Variants in ELAPOR2 observed in about 807,000 individuals in gnomAD.
ELAPOR2 encodes endosome/lysosome-associated apoptosis and autophagy regulator family member 2.
A neutral mutation model predicts 120.7 loss-of-function variants in ELAPOR2; 89 were observed. The observed-to-expected ratio is 0.74, with a 90% confidence interval of 0.62 to 0.88. The LOEUF (loss-of-function observed/expected upper bound fraction) is 0.88, where lower values mean the gene tolerates loss of function less well. Among genes scored for constraint, ELAPOR2 ranks in the 40% least tolerant of loss-of-function variants. ELAPOR2 has a pLI of 0.00. For missense variants in ELAPOR2, 1,134 were observed against 1,251.6 expected (o/e 0.91, Z 1.42); for synonymous variants, 444 against 444.9 (o/e 1.00, Z 0.03).
chr7:86,944,324 T>C (rs879517469), intron 4 of ELAPOR2, among the ~76,000 whole-genome samples: 2 of 152,136 alleles, frequency 1.3e-5, no homozygotes, highest in Admixed American at 6.5e-5. Flanking sequence ...TCTTCCGTAA[T>C]GTTATTTAAT....
At chr7:86,915,702 A>G (rs1789542390) in intron 12 of ELAPOR2, among the ~76,000 whole-genome samples, 1 of 150,050 alleles carries the variant, frequency 6.7e-6, no homozygotes, top group African/African-American at 2.4e-5. Flanking sequence ...GATGCCGGCA[A>G]TAAGGTTTCA....
intron 1 of ELAPOR2, among the ~76,000 whole-genome samples, chr7:87,027,392 TC>T (rs2116720607): frequency 6.6e-6 from 1 of 152,252 alleles, no homozygotes; most frequent in African/African-American, 2.4e-5. Context: ...TGCCTAAATA[TC>T]ACCCAGCAGA....
intron 2 of ELAPOR2, among the ~76,000 whole-genome samples, chr7:86,963,818 CTCTTGTCTCTTAAG>C (rs1477411191): frequency 2.6e-5 from 4 of 152,270 alleles, no homozygotes; most frequent in African/African-American, 9.6e-5. Flanking sequence ...TATACAGATG[CTCTTGTCTCTTAAG>C]TCTTGTCTCT....
chr7:86,940,535 T>G (rs967340300), intron 5 of ELAPOR2, among the ~76,000 whole-genome samples: 5 of 152,148 alleles, frequency 3.3e-5, no homozygotes, highest in Admixed American at 3.3e-4. Flanking sequence ...TTTGTTTCTT[T>G]TTAAAAATAT....
At chr7:86,978,286 T>G (rs1792348943) in intron 1 of ELAPOR2, among the ~76,000 whole-genome samples, 1 of 152,194 alleles carries the variant, frequency 6.6e-6, no homozygotes, top group South Asian at 2.1e-4. Context: ...GAACTGTGAA[T>G]CAATTAAACC....
chr7:87,012,138 G>A (rs1018082658), intron 1 of ELAPOR2, among the ~76,000 whole-genome samples: 2 of 152,146 alleles, frequency 1.3e-5, no homozygotes, highest in East Asian at 1.9e-4. Context: ...CTGGCCGGGC[G>A]TGGTGGCTCA....
At chr7:86,938,080 A>G (rs954429091) in intron 8 of ELAPOR2, 46 bp downstream of exon 8, 8 of 1,379,024 alleles carry the variant, frequency 5.8e-6, no homozygotes, top group African/African-American at 4.3e-5. Flanking sequence ...AATTGGAAAG[A>G]AGGTTGCAAA....
intron 8 of ELAPOR2, among the ~76,000 whole-genome samples, chr7:86,930,257 T>C (rs1294504565): frequency 1.3e-5 from 2 of 151,976 alleles, no homozygotes; most frequent in Admixed American, 1.3e-4. Flanking sequence ...GAGAACTATA[T>C]CTCAATAAAG....
At chr7:87,004,482 C>T (rs748486275) in intron 1 of ELAPOR2, among the ~76,000 whole-genome samples, 9 of 152,150 alleles carry the variant, frequency 5.9e-5, no homozygotes, top group Admixed American at 2.0e-4. Context: ...CCTTGTCAGC[C>T]ATGTGGAGCT....
At chr7:86,928,327 C>T (rs916915566) in intron 8 of ELAPOR2, among the ~76,000 whole-genome samples, 1 of 151,906 alleles carries the variant, frequency 6.6e-6, no homozygotes, top group Non-Finnish European at 1.5e-5. Context: ...GCAAATGAAA[C>T]ATCATCATAT....
intron 1 of ELAPOR2, among the ~76,000 whole-genome samples, chr7:87,037,599 T>C (rs1361009650): frequency 6.6e-6 from 1 of 152,222 alleles, no homozygotes; most frequent in Non-Finnish European, 1.5e-5. Flanking sequence ...GTCTCCTAAC[T>C]GATCTTCCTG....
rs575938809 is a variant in ELAPOR2, at chr7:86,893,115, A to C, written c.2686-15T>G. 2.7e-4 allele frequency: 414 copies of C among 1,513,830 alleles called. No homozygotes were observed. Among genetic ancestry groups the C allele is most frequent in the African/African-American group, 6.7e-4 (46 of 68,648 alleles). 93.8% of individuals were successfully genotyped at this position (1,513,830 alleles called of 1,614,324 possible). On this transcript the variant is annotated splice_polypyrimidine_tract_variant and intron_variant, in intron 19 of 21. Coordinates refer to ENST00000450689, the MANE Select transcript of ELAPOR2 (RefSeq NM_001142749.3). ...TACAAGGTTTCCTTTAAAAAAAAAA[A>C]CATAAAACCATAGAAGACATGAGAA...
At chr7:86,921,746 C>G (rs960722533) in intron 10 of ELAPOR2, among the ~76,000 whole-genome samples, 6 of 152,008 alleles carry the variant, frequency 3.9e-5, no homozygotes, top group African/African-American at 1.2e-4. Flanking sequence ...AGACTGCCAA[C>G]GTGAGAGCAG....
intron 10 of ELAPOR2, among the ~76,000 whole-genome samples, chr7:86,923,657 T>C (rs1789928884): frequency 6.6e-6 from 1 of 152,122 alleles, no homozygotes; most frequent in South Asian, 2.1e-4. Flanking sequence ...ATAGGAACTT[T>C]CTAAATTTCT....
chr7:86,972,448 A>C (rs1247185608), intron 1 of ELAPOR2, among the ~76,000 whole-genome samples: 1 of 152,070 alleles, frequency 6.6e-6, no homozygotes, highest in African/African-American at 2.4e-5. Flanking sequence ...ACTCTCCTCC[A>C]AATTCCTTTT....
intron 1 of ELAPOR2, among the ~76,000 whole-genome samples, chr7:87,013,787 CTTA>C (rs1329832841): frequency 1.3e-5 from 2 of 152,130 alleles, no homozygotes; most frequent in East Asian, 3.8e-4. Context: ...CCAGTCGAGA[CTTA>C]TTATTGGTGA....
At chr7:86,925,489 A>C (rs763257130) in intron 10 of ELAPOR2, 39 bp downstream of exon 10, 1 of 1,603,710 alleles carries the variant, frequency 6.2e-7, no homozygotes, top group African/African-American at 1.3e-5. Context: ...TGATGTCTCT[A>C]TTGCTGAAAT....
At chr7:86,951,412 G>C (rs905560048) in intron 2 of ELAPOR2, among the ~76,000 whole-genome samples, 2 of 152,164 alleles carry the variant, frequency 1.3e-5, no homozygotes, top group Non-Finnish European at 2.9e-5. Flanking sequence ...GAGAAGAATT[G>C]CGTTTGTGAA....
intron 3 of ELAPOR2, 132 bp downstream of exon 3, chr7:86,947,595 A>T (rs1791061058): frequency 2.5e-6 from 2 of 794,288 alleles, no homozygotes; most frequent in African/African-American, 1.7e-5. Flanking sequence ...TCCAAAAAAC[A>T]TGATTCTTTG....
Sources: gnomAD v4.1 joint callset for allele counts (sites outside exome capture counted in the v4.1 genomes callset) on GRCh38, gnomAD v4.1.1 for gene constraint, MANE v1.5 for transcripts, NCBI Gene and HGNC (gene_info 2026-07-23, HGNC 2026-07-21) for gene names.